The following AGBL1 variants were observed in gnomAD, a reference collection of about 807,000 sequenced individuals.
AGBL1 encodes AGBL carboxypeptidase 1, also known as cytosolic carboxypeptidase 4.
AGBL1 carries 130 observed loss-of-function variants against 118.9 expected under a neutral mutation model. That is an observed-to-expected ratio of 1.09 (90% CI 0.95 to 1.26). The LOEUF (loss-of-function observed/expected upper bound fraction) is 1.26. Among genes scored for constraint, AGBL1 ranks in the 50% most tolerant of loss-of-function variants. The pLI is 0.00. For missense variants in AGBL1, 1,584 were observed against 1,298.1 expected, an observed-to-expected ratio of 1.22 and a Z score of -3.38; for synonymous variants, 555 against 478.9, an observed-to-expected ratio of 1.16 and a Z score of -2.08.
chr15:86,626,839 T>A (rs1226737713), intron 21 of AGBL1, among the ~76,000 whole-genome samples: 6 of 145,854 alleles, frequency 4.1e-5, no homozygotes, highest in Admixed American at 4.1e-4. Context: ...TACTTTTCTT[T>A]TTTTTTTTTT....
rs557137794 is a variant in AGBL1 at position 86,886,237 on chromosome 15, A to C, written c.3159-20850A>C. On this transcript the variant is annotated intron_variant, in intron 22 of 22. Coordinates refer to ENST00000614907, the MANE Select transcript of AGBL1 (RefSeq NM_001386094.1). The stretch of plus-strand genomic sequence containing the variant: ...ACAAATGTTTGTAGTTTATATTAGT[A>C]TATTTGCCTATGGCAAGTGTACTAA... 5.3e-5 allele frequency among the ~76,000 whole-genome samples: 8 copies of C among 152,376 alleles called. No individual in the cohort carries two copies. In the South Asian group the frequency reaches 1.7e-3, roughly 32 times the overall value.
chr15:86,631,930 T>C (rs1341427618), intron 21 of AGBL1, among the ~76,000 whole-genome samples: 1 of 152,196 alleles, frequency 6.6e-6, no homozygotes, highest in Non-Finnish European at 1.5e-5. Flanking sequence ...GGCTCACACC[T>C]GTAATCCCAG....
At chr15:86,698,357 C>G (rs1034826545) in intron 22 of AGBL1, among the ~76,000 whole-genome samples, 1 of 151,894 alleles carries the variant, frequency 6.6e-6, no homozygotes, top group South Asian at 2.1e-4. Context: ...AACTAGTTTC[C>G]TTATTTTTAT....
chr15:86,406,455 A>G (rs1357844602), intron 18 of AGBL1, among the ~76,000 whole-genome samples: 3 of 152,258 alleles, frequency 2.0e-5, no homozygotes, highest in Non-Finnish European at 4.4e-5. Flanking sequence ...GCACATCATT[A>G]TTATAAACAA....
intron 18 of AGBL1, among the ~76,000 whole-genome samples, chr15:86,487,334 G>C (rs941587984): frequency 6.6e-6 from 1 of 152,060 alleles, no homozygotes. Context: ...CCAGCCCATG[G>C]AAGATGAAGT....
At chr15:86,148,486 G>A (rs1299025044) in intron 3 of AGBL1, among the ~76,000 whole-genome samples, 2 of 152,166 alleles carry the variant, frequency 1.3e-5, no homozygotes, top group South Asian at 2.1e-4. Context: ...ACATGCACAA[G>A]CTTCAGTAGC....
At chr15:86,257,899 A>C in intron 8 of AGBL1, 65 bp from the exon 9 acceptor site, 1 of 1,532,356 alleles carries the variant, frequency 6.5e-7, no homozygotes, top group Non-Finnish European at 8.9e-7. Flanking sequence ...TATGGTGAAA[A>C]TCTAAATCCT....
intron 21 of AGBL1, among the ~76,000 whole-genome samples, chr15:86,563,627 T>C (rs2083865424): frequency 6.6e-6 from 1 of 152,126 alleles, no homozygotes; most frequent in African/African-American, 2.4e-5. Flanking sequence ...GGTGGATGGT[T>C]ATGTGGATGT....
chr15:86,281,435 A>G (rs1808508553), intron 16 of AGBL1, among the ~76,000 whole-genome samples: 1 of 152,156 alleles, frequency 6.6e-6, no homozygotes, highest in Non-Finnish European at 1.5e-5. Context: ...TCTGCTAGGG[A>G]TGGGGATTCC....
chr15:86,823,369 C>T (rs1477903604), intron 22 of AGBL1, among the ~76,000 whole-genome samples: 2 of 152,040 alleles, frequency 1.3e-5, no homozygotes, highest in Non-Finnish European at 2.9e-5. Flanking sequence ...AGAAGTAACC[C>T]CCTCTCAATT....
intron 1 of AGBL1, among the ~76,000 whole-genome samples, chr15:86,114,803 A>G (rs1256277301): frequency 1.3e-5 from 2 of 152,198 alleles, no homozygotes; most frequent in Admixed American, 1.3e-4. Context: ...TGCATGGGAC[A>G]ATTCGTATCC....
At chr15:86,916,782 C>G (rs1281148046), downstream of AGBL1, among the ~76,000 whole-genome samples, 3 of 152,166 alleles carry the variant, frequency 2.0e-5, no homozygotes, top group Admixed American at 1.3e-4. Context: ...AGAACACCAG[C>G]AGGCCCGGGG....
intron 1 of AGBL1, chr15:86,104,912 A>T (rs1896952044): frequency 6.6e-6 from 1 of 152,110 alleles, no homozygotes; most frequent in African/African-American, 2.4e-5. Flanking sequence ...TCCCATGGCT[A>T]GGGTTGCAGG....
chr15:86,295,210 TA>T (rs562478762), intron 16 of AGBL1, 44 bp from the exon 17 acceptor site: 14 of 1,596,536 alleles, frequency 8.8e-6, no homozygotes, highest in Non-Finnish European at 1.2e-5. Context: ...ATTGTTGTTA[TA>T]AAAAATGTTG....
intron 17 of AGBL1, among the ~76,000 whole-genome samples, chr15:86,359,850 T>TC (rs1959188979): frequency 6.6e-6 from 1 of 151,734 alleles, no homozygotes; most frequent in African/African-American, 2.4e-5. Flanking sequence ...AATTTTCTTT[T>TC]CAGATACTTT....
At chr15:86,139,344 A>G (rs1465344813) in intron 1 of AGBL1, among the ~76,000 whole-genome samples, 1 of 152,160 alleles carries the variant, frequency 6.6e-6, no homozygotes, top group Admixed American at 6.5e-5. Flanking sequence ...AGCATTGCAG[A>G]GATCCCTTAG....
chr15:86,391,735 G>A (rs1347821336), intron 17 of AGBL1, among the ~76,000 whole-genome samples: 1 of 137,566 alleles, frequency 7.3e-6, no homozygotes, highest in Non-Finnish European at 1.5e-5. Context: ...TGCAGAAGCA[G>A]GCAGGAACTT....
chr15:86,282,858 C>T (rs939975524), intron 16 of AGBL1, among the ~76,000 whole-genome samples: 1 of 152,106 alleles, frequency 6.6e-6, no homozygotes, highest in Admixed American at 6.5e-5. Context: ...TTGCGAGTCT[C>T]CTATAATATG....
At chr15:86,674,183 G>A in intron 21 of AGBL1, 90 bp from the exon 22 acceptor site, 1 of 1,212,230 alleles carries the variant, frequency 8.2e-7, no homozygotes, top group Admixed American at 2.2e-5. Flanking sequence ...AAAAATGCCT[G>A]TGTGTAGAAG....
Sources: gnomAD v4.1 joint callset for allele counts (sites outside exome capture counted in the v4.1 genomes callset) on GRCh38, gnomAD v4.1.1 for gene constraint, MANE v1.5 for transcripts, NCBI Gene and HGNC (gene_info 2026-07-23, HGNC 2026-07-21) for gene names.